The following PLK3 variants were observed in gnomAD, a reference collection of about 807,000 sequenced individuals.
PLK3 encodes the protein serine/threonine-protein kinase PLK3.
PLK3 carries 41 observed loss-of-function variants against 71.6 expected under a neutral mutation model. The ratio of observed to expected loss-of-function variants is 0.57; its 90% confidence interval spans 0.45 to 0.74. The LOEUF (loss-of-function observed/expected upper bound fraction) is 0.74, where lower values mean the gene tolerates loss of function less well. Ranked by LOEUF, PLK3 falls within the 30% of genes least tolerant of loss-of-function variation. The pLI is 0.00. For missense variants in PLK3, 791 were observed against 875.6 expected (o/e 0.90, Z 1.22); for synonymous variants, 366 against 355.4 (o/e 1.03, Z -0.33).
intron 13 of PLK3, 125 bp from the exon 14 acceptor site, chr1:44,805,141 C>G: frequency 1.4e-6 from 1 of 696,516 alleles, no homozygotes; most frequent in Non-Finnish European, 2.6e-6. Context: ...ACTAACCCAT[C>G]CTGATCCCTC....
Position 44,800,972 on chromosome 1 carries a change from G to T in PLK3, c.318+25G>T. 1 of 1,609,234 alleles carries T rather than the reference G, an allele frequency of 6.2e-7. No homozygotes were observed. Among genetic ancestry groups the T allele is most frequent in the Non-Finnish European group, 8.5e-7 (1 of 1,176,240 alleles). Reference sequence around the variant, plus strand: ...GGTGGGTCCAGGCTCAGCGGGCGAGGGGTGGGGTGGGGACGGTGGCATGGG... The same window carrying T: ...GGTGGGTCCAGGCTCAGCGGGCGAGTGGTGGGGTGGGGACGGTGGCATGGG... On this transcript the variant is annotated intron_variant, in intron 2 of 14. Coordinates refer to ENST00000372201, the MANE Select transcript of PLK3 (RefSeq NM_004073.4). The surrounding 1 kb of genome is among the most constrained non-coding windows in gnomAD (Gnocchi z 6.5).
intron 12 of PLK3, 71 bp downstream of exon 12, chr1:44,804,572 C>T: frequency 1.2e-6 from 2 of 1,604,188 alleles, no homozygotes; most frequent in Non-Finnish European, 1.7e-6. Context: ...GTGAGTGCTC[C>T]TGGGCTCAGG....
At position 44,805,281 on chromosome 1, in the gene PLK3, A is replaced by G. The variant is rs762859469; in HGVS notation, c.1651A>G (p.Ser551Gly). 1 of 1,612,656 alleles carries G rather than the reference A, an allele frequency of 6.2e-7. No homozygotes were observed. Among genetic ancestry groups the G allele is most frequent in the Non-Finnish European group, 8.5e-7 (1 of 1,178,860 alleles). Residue 551 changes from serine (S) to glycine (G), a missense_variant, in exon 14 of 15, where the codon AGT (serine) becomes GGT (glycine). By Grantham distance (56) the Ser-to-Gly change is moderately conservative. Coordinates refer to ENST00000372201, the MANE Select transcript of PLK3 (RefSeq NM_004073.4). ...CTGCTCCCAGGGTGGAGATCTGCCCAGTGTGGAAGAGGTAGAGGTACCTGC... is the reference window on the plus strand; with the variant it reads ...CTGCTCCCAGGGTGGAGATCTGCCCGGTGTGGAAGAGGTAGAGGTACCTGC... ...QHLMKGGDLP[S>G]VEEVEVPAPP...
chr1:44,804,892 T>A (rs865874132), intron 13 of PLK3, 113 bp downstream of exon 13: 1 of 979,808 alleles, frequency 1.0e-6, no homozygotes, highest in Middle Eastern at 2.5e-4. Flanking sequence ...GATTATGAGG[T>A]CAGGAGATCG....
Position 44,804,643 on chromosome 1 carries a change from ATTCTAG to A in PLK3, c.1506-6_1506-1del. 6.2e-7 allele frequency: 1 copy of A among 1,613,194 alleles called. No homozygotes were observed. The highest frequency in any genetic ancestry group is 8.5e-7 in the Non-Finnish European group (1 of 1,179,428). ...GGCTCCCTCTGACCTCTGCCTCCCC[ATTCTAG>A]GACTGTGCACTACAATCCCACCAGC... is the stretch of plus-strand genomic sequence containing the variant. On this transcript the variant is annotated splice_acceptor_variant and splice_polypyrimidine_tract_variant and intron_variant, in intron 12 of 14. Transcript: ENST00000372201. LOFTEE classifies it high-confidence loss of function.
In PLK3 at chr1:44,800,511, G is replaced by T; in HGVS notation, c.48G>T (p.Ala16=). Residue 16 remains alanine (A), a synonymous_variant, in exon 1 of 15, where the codon GCG becomes GCT. Coordinates refer to ENST00000372201, the MANE Select transcript of PLK3 (RefSeq NM_004073.4). This position sits in a 1 kb window ranked among gnomAD's most constrained non-coding sequence, Gnocchi z 6.5. ...TGTCTCCGCGCCCCTTCCAGCGTGCGGCCGCCGCGCCCGCTCCCCCGGCCG... is the reference window on the plus strand; with the variant it reads ...TGTCTCCGCGCCCCTTCCAGCGTGCTGCCGCCGCGCCCGCTCCCCCGGCCG... ...GFLSPRPFQR[A]AAAPAPPAGP... is the part of the protein sequence containing the mutation. 1 of 1,449,274 alleles carries T rather than the reference G, an allele frequency of 6.9e-7. No individual in the cohort carries two copies. The highest frequency in any genetic ancestry group is 9.0e-7 in the Non-Finnish European group (1 of 1,108,264). 89.8% of individuals were successfully genotyped at this position (1,449,274 alleles called of 1,614,324 possible).
intron 14 of PLK3, 23 bp downstream of exon 14, chr1:44,805,402 C>T (rs947239284): frequency 1.9e-5 from 30 of 1,608,000 alleles, no homozygotes; most frequent in Admixed American, 5.0e-5. Flanking sequence ...CCAGGAGTTG[C>T]GGGAAGGTCT....
At chr1:44,801,408 C>A (rs1355900819) in intron 3 of PLK3, among the ~76,000 whole-genome samples, 1 of 152,088 alleles carries the variant, frequency 6.6e-6, no homozygotes, top group Non-Finnish European at 1.5e-5. Flanking sequence ...CAGGGTTTCA[C>A]CCTGTTGGTC....
At chr1:44,802,165 AGT>A (rs1335842462) in intron 5 of PLK3, among the ~76,000 whole-genome samples, 30 of 152,170 alleles carry the variant, frequency 2.0e-4, no homozygotes, top group East Asian at 3.9e-4. Context: ...GGTGACTCTG[AGT>A]CCCTGAGACA....
chr1:44,802,855 T>C lies in PLK3; in HGVS notation c.749T>C (p.Met250Thr), dbSNP rs753588182. ...GATGTATGGTCACTGGGCTGTGTCA[T>C]GTGAGTTGCAGGGTCCAGGTTCAGC... is the stretch of plus-strand genomic sequence containing the variant. Reference protein sequence around the residue: ...EADVWSLGCVMYTLLCGSPPF... With the variant: ...EADVWSLGCVTYTLLCGSPPF... Residue 250 changes from methionine (M) to threonine (T), a missense_variant and splice_region_variant, in exon 6 of 15, where the codon ATG becomes ACG. Met to Thr is a moderately conservative substitution (Grantham distance 81). Coordinates refer to ENST00000372201, the MANE Select transcript of PLK3 (RefSeq NM_004073.4). 3.7e-6 allele frequency: 6 copies of C among 1,612,494 alleles called. No individual in the cohort carries two copies. Among genetic ancestry groups the C allele is most frequent in the Non-Finnish European group, 5.1e-6 (6 of 1,178,640 alleles).
Position 44,801,916 on chromosome 1 carries a change from C to T in PLK3, c.637C>T (p.Pro213Ser). The change falls in exon 5 of 15, where the codon CCG becomes TCG. Residue 213 changes from proline to serine, a missense_variant. Transcript: ENST00000372201. ...TGGGCTGGCAGCCCGGTTGGAGCCT[C>T]CGGAGCAGAGGAAGAAGTGAGTTTT... ...DFGLAARLEP[P>S]EQRKKTICGT... is the part of the protein sequence containing the mutation. 1 of 1,613,324 alleles carries T rather than the reference C, an allele frequency of 6.2e-7. No homozygotes were observed. Among genetic ancestry groups the T allele is most frequent in the Non-Finnish European group, 8.5e-7 (1 of 1,179,598 alleles).
chr1:44,802,290 G>C (rs1350431006), intron 5 of PLK3, among the ~76,000 whole-genome samples: 1 of 152,136 alleles, frequency 6.6e-6, no homozygotes, highest in Non-Finnish European at 1.5e-5. Flanking sequence ...TGTGGAAATG[G>C]TGGGATATGA....
chr1:44,805,575 G>A lies in PLK3; in HGVS notation c.1838G>A (p.Cys613Tyr). Residue 613 changes from cysteine (C) to tyrosine (Y), a missense_variant, in exon 15 of 15, where the codon TGT (cysteine) becomes TAT (tyrosine). Coordinates refer to ENST00000372201, the MANE Select transcript of PLK3 (RefSeq NM_004073.4). ...TTTGTGGCCCGAAATCGTAGTGCTT[G>A]TACTTACCTCGCTTCCCACCTTCGG... ...VTFVARNRSA[C>Y]TYLASHLRQL... 4 of 1,614,222 alleles carry A rather than the reference G, an allele frequency of 2.5e-6. No homozygotes were observed. The highest frequency in any genetic ancestry group is 1.7e-6 in the Non-Finnish European group (2 of 1,180,014).
chr1:44,801,855 C>A lies in PLK3; in HGVS notation c.576C>A (p.Phe192Leu). Residue 192 changes from phenylalanine to leucine, a missense_variant, in exon 5 of 15, where the codon TTC becomes TTA. Transcript: ENST00000372201. Reference protein sequence around the residue: ...LHRDLKLGNFFITENMELKVG... With the variant: ...LHRDLKLGNFLITENMELKVG... Reference sequence around the variant, plus strand: ...TCTTGCCCCATCTAGGAAATTTTTTCATCACTGAGAACATGGAACTGAAGG... The same window carrying A: ...TCTTGCCCCATCTAGGAAATTTTTTAATCACTGAGAACATGGAACTGAAGG... 1 of 1,613,456 alleles carries A rather than the reference C, an allele frequency of 6.2e-7. No individual in the cohort carries two copies. Among genetic ancestry groups the A allele is most frequent in the South Asian group, 1.1e-5 (1 of 91,002 alleles).
chr1:44,803,327 C>A lies in PLK3; in HGVS notation c.1008C>A (p.Pro336=). 6.2e-7 allele frequency: 1 copy of A among 1,614,138 alleles called. No individual in the cohort carries two copies. The highest frequency in any genetic ancestry group is 8.5e-7 in the Non-Finnish European group (1 of 1,180,008). Residue 336 remains proline, a synonymous_variant, in exon 8 of 15, where the codon CCC becomes CCA. Coordinates refer to ENST00000372201, the MANE Select transcript of PLK3 (RefSeq NM_004073.4). The surrounding 1 kb of genome is among the most constrained non-coding windows in gnomAD (Gnocchi z 4.3). ...SSCVTVPDLT[P]PNPARSLFAK... ...GCGTGACAGTCCCAGACCTGACACCCCCCAACCCAGCTAGGAGTCTGTTTG... is the reference window on the plus strand; with the variant it reads ...GCGTGACAGTCCCAGACCTGACACCACCCAACCCAGCTAGGAGTCTGTTTG...
Position 44,803,378 on chromosome 1 carries a change from C to G in PLK3, c.1059C>G (p.Gly353=), listed in dbSNP as rs1651903031. The change falls in exon 8 of 15, where the codon GGC becomes GGG. Residue 353 remains glycine, a synonymous_variant. Transcript: ENST00000372201. The surrounding 1 kb of genome is among the most constrained non-coding windows in gnomAD (Gnocchi z 4.3). ...LFAKVTKSLF[G]RKKKSKNHAQ... is the part of the protein sequence containing the mutation. ...CCAAAGTTACCAAGAGCCTCTTTGG[C>G]AGAAAGAAGAAGAGTGAGTCTGGGG... 1 of 1,613,856 alleles carries G rather than the reference C, an allele frequency of 6.2e-7. No homozygotes were observed.
At chr1:44,801,554 A>G (rs1005159397) in intron 3 of PLK3, 68 bp from the exon 4 acceptor site, 1 of 1,466,790 alleles carries the variant, frequency 6.8e-7, no homozygotes, top group African/African-American at 1.4e-5. Flanking sequence ...TTTCTTCCTC[A>G]GGGAGCACAG....
rs1340667232 is a variant in PLK3, at chr1:44,803,629, G to A, written c.1102G>A (p.Val368Ile). Residue 368 changes from valine (V) to isoleucine (I), a missense_variant, in exon 9 of 15, where the codon GTC becomes ATC. By Grantham distance (29) the Val-to-Ile change is conservative (BLOSUM62 3). Transcript: ENST00000372201. This position sits in a 1 kb window ranked among gnomAD's most constrained non-coding sequence, Gnocchi z 4.3. Reference protein sequence around the residue: ...SKNHAQERDEVSGLVSGLMRT... With the variant: ...SKNHAQERDEISGLVSGLMRT... ...GAATCATGCCCAGGAGAGGGATGAGGTCTCCGGTTTGGTGAGCGGCCTCAT... is the reference window on the plus strand; with the variant it reads ...GAATCATGCCCAGGAGAGGGATGAGATCTCCGGTTTGGTGAGCGGCCTCAT... 2 of 1,614,046 alleles carry A rather than the reference G, an allele frequency of 1.2e-6. No individual in the cohort carries two copies. Among genetic ancestry groups the A allele is most frequent in the Admixed American group, 1.7e-5 (1 of 60,014 alleles).
rs769172595 is a variant in PLK3 at position 44,803,613 on chromosome 1, C to T, written c.1086C>T (p.Ala362=). 19 of 1,613,728 alleles carry T rather than the reference C, an allele frequency of 1.2e-5. No individual in the cohort carries two copies. In the Admixed American group the frequency reaches 3.0e-4, roughly 25 times the overall value. ...FGRKKKSKNH[A]QERDEVSGLV... is the part of the protein sequence containing the mutation. ...TTTCACCCCCAGGTAAGAATCATGC[C>T]CAGGAGAGGGATGAGGTCTCCGGTT... Residue 362 remains alanine, a synonymous_variant, in exon 9 of 15, where the codon GCC becomes GCT. Transcript: ENST00000372201. This position sits in a 1 kb window ranked among gnomAD's most constrained non-coding sequence, Gnocchi z 4.3.
Sources: allele counts gnomAD v4.1 joint callset (sites outside exome capture counted in the v4.1 genomes callset), GRCh38; gene constraint gnomAD v4.1.1; non-coding constraint Gnocchi (gnomAD v3.1); transcripts MANE v1.5; gene names NCBI Gene and HGNC (gene_info 2026-07-23, HGNC 2026-07-21).